Variants in ZNF429 observed in about 807,000 individuals in gnomAD.
ZNF429 encodes the protein zinc finger protein 429.
Under a neutral mutation model 56.8 loss-of-function variants are expected in ZNF429, and 53 were observed. The observed-to-expected ratio is 0.93, with a 90% CI of 0.75 to 1.17. ZNF429 has a LOEUF of 1.17. Among genes scored for constraint, ZNF429 ranks in the 50% most tolerant of loss-of-function variants. The probability of loss-of-function intolerance (pLI) is 0.00; values close to 1 mark genes in which losing one functional copy is unlikely to be tolerated. For missense variants in ZNF429, 849 were observed against 788.4 expected, an observed-to-expected ratio of 1.08 and a Z score of -0.92; for synonymous variants, 278 against 264.7, an observed-to-expected ratio of 1.05 and a Z score of -0.49.
Position 21,535,414 on chromosome 19 carries a change from TTCTTTCTTTCTTTCTTTC to T in ZNF429, c.227-864_227-847del. Among the ~76,000 whole-genome samples, 3 of 1,830 alleles carry T rather than the reference TTCTTTCTTTCTTTCTTTC, an allele frequency of 1.6e-3. 1 individual carries two copies. Among genetic ancestry groups the T allele is most frequent in the Admixed American group, 0.014 (3 of 220 alleles). 1.2% of individuals were successfully genotyped at this position (1,830 alleles called of 152,430 possible). A position where few individuals can be genotyped will look rare whatever the true frequency, so the allele number is the denominator to read the frequency against. Reference sequence around the variant, plus strand: ...CTTTCTTTCTTTCTTTCTTTTTCTTTTCTTTCTTTCTTTCTTTCTTTCTTTCTTTCTTTCTTTCTTTCT... The same window carrying T: ...CTTTCTTTCTTTCTTTCTTTTTCTTTTTTCTTTCTTTCTTTCTTTCTTTCT... On this transcript the variant is annotated intron_variant, in intron 3 of 3. Coordinates refer to ENST00000358491, the MANE Select transcript of ZNF429 (RefSeq NM_001001415.4).
intron 1 of ZNF429, among the ~76,000 whole-genome samples, chr19:21,525,334 AAAT>A (rs1277798328): frequency 6.6e-6 from 1 of 152,234 alleles, no homozygotes; most frequent in Non-Finnish European, 1.5e-5. Context: ...TAGCTAAAAA[AAAT>A]TAAAATTACA....
At position 21,505,627 on chromosome 19, in the gene ZNF429, T is replaced by G. The variant is rs2032095280; in HGVS notation, c.-145T>G. 1 of 738,280 alleles carries G rather than the reference T, an allele frequency of 1.4e-6. No individual in the cohort carries two copies. 45.7% of individuals were successfully genotyped at this position (738,280 alleles called of 1,614,324 possible). ...ACGGTTTCCGGAATATGGCGGGGCG[T>G]TTGGCTCTTGCTGCAGCCAGAGCTC... is the stretch of plus-strand genomic sequence containing the variant. On this transcript the variant is annotated 5_prime_UTR_variant, in exon 1 of 4. Coordinates refer to ENST00000358491, the MANE Select transcript of ZNF429 (RefSeq NM_001001415.4).
chr19:21,513,792 C>A (rs572152402), intron 1 of ZNF429, among the ~76,000 whole-genome samples: 1 of 152,014 alleles, frequency 6.6e-6, no homozygotes, highest in African/African-American at 2.4e-5. Flanking sequence ...TTAGAGGGAA[C>A]GATCTCTGAT....
intron 1 of ZNF429, among the ~76,000 whole-genome samples, chr19:21,525,520 G>T (rs1172079393): frequency 6.6e-6 from 1 of 152,088 alleles, no homozygotes; most frequent in Admixed American, 6.6e-5. Flanking sequence ...CTGGAGCCTT[G>T]CCTCACAGAA....
chr19:21,535,416 CTT>C, intron 3 of ZNF429, among the ~76,000 whole-genome samples: 2,190 of 7,814 alleles, frequency 0.28, 477 homozygotes, highest in African/African-American at 0.54. Context: ...TTTTTCTTTT[CTT>C]TCTTTCTTTC....
chr19:21,519,379 G>A (rs2032900668), intron 1 of ZNF429, among the ~76,000 whole-genome samples: 1 of 152,166 alleles, frequency 6.6e-6, no homozygotes, highest in African/African-American at 2.4e-5. Flanking sequence ...TGAGATGCCT[G>A]AGCAGGCCTG....
chr19:21,531,127 A>C, intron 3 of ZNF429, among the ~76,000 whole-genome samples: 2,211 of 104,686 alleles, frequency 0.021, 106 homozygotes, highest in African/African-American at 0.075. Flanking sequence ...AAAAAAAAAA[A>C]AACCAAAAAA....
chr19:21,531,397 G>C, intron 3 of ZNF429, among the ~76,000 whole-genome samples: 1 of 151,970 alleles, frequency 6.6e-6, no homozygotes, highest in Non-Finnish European at 1.5e-5. Context: ...AAATTGAAGA[G>C]GTGTCTGCTT....
At chr19:21,525,976 C>T (rs1485388125) in intron 1 of ZNF429, among the ~76,000 whole-genome samples, 2 of 152,300 alleles carry the variant, frequency 1.3e-5, no homozygotes, top group African/African-American at 4.8e-5. Context: ...TTATGCCCAG[C>T]ACAGTGCTCT....
Position 21,539,271 on chromosome 19 carries a change from CAG to C in ZNF429, c.*1195_*1196del, listed in dbSNP as rs2033837393. 6.6e-6 allele frequency among the ~76,000 whole-genome samples: 1 copy of C among 150,704 alleles called. No homozygotes were observed. The highest frequency in any genetic ancestry group is 2.5e-5 in the African/African-American group (1 of 40,290). On this transcript the variant is annotated 3_prime_UTR_variant, in exon 4 of 4. Transcript: ENST00000358491. ...TACATAGAAAAGTCTACATGAATAT[CAG>C]AATTTACAGTAGAAACAACTAAGAC...
rs1454811224 is a variant in ZNF429, at chr19:21,536,698, C to A, written c.645C>A (p.Ala215=). 2 of 1,613,842 alleles carry A rather than the reference C, an allele frequency of 1.2e-6. No homozygotes were observed. The highest frequency in any genetic ancestry group is 2.7e-5 in the African/African-American group (2 of 74,924). Residue 215 remains alanine, a synonymous_variant, in exon 4 of 4, where the codon GCC becomes GCA. Transcript: ENST00000358491. ...GCAATGCCTTTAATCAGTCCTCAGC[C>A]CTTACTAACCATAAGAGAATTTATG... is the stretch of plus-strand genomic sequence containing the variant. ...EFGNAFNQSS[A]LTNHKRIYVG...
intron 1 of ZNF429, among the ~76,000 whole-genome samples, chr19:21,525,415 G>A (rs2033127846): frequency 6.6e-6 from 1 of 151,992 alleles, no homozygotes; most frequent in South Asian, 2.1e-4. Context: ...ACCCCCACTG[G>A]CATAGAGAAC....
chr19:21,511,072 A>T (rs978480610), intron 1 of ZNF429, among the ~76,000 whole-genome samples: 8 of 152,192 alleles, frequency 5.3e-5, no homozygotes, highest in African/African-American at 1.9e-4. Context: ...TGTCATCATG[A>T]CCCGTTCTCA....
At chr19:21,517,615 A>G (rs2032808354) in intron 1 of ZNF429, among the ~76,000 whole-genome samples, 2 of 151,540 alleles carry the variant, frequency 1.3e-5, no homozygotes, top group African/African-American at 4.8e-5. Context: ...AGAGCTTGTT[A>G]TTGTTCTGTT....
At chr19:21,513,870 C>T (rs1296796248) in intron 1 of ZNF429, among the ~76,000 whole-genome samples, 3 of 152,202 alleles carry the variant, frequency 2.0e-5, no homozygotes, top group Non-Finnish European at 4.4e-5. Flanking sequence ...ACCCACTAGA[C>T]ATTGACATGT....
At chr19:21,522,911 T>C (rs1276977248) in intron 1 of ZNF429, among the ~76,000 whole-genome samples, 2 of 149,820 alleles carry the variant, frequency 1.3e-5, no homozygotes, top group South Asian at 2.1e-4. Flanking sequence ...AAAAAAAAAG[T>C]GTATACTGTC....
chr19:21,523,563 G>A (rs754523470), intron 1 of ZNF429, among the ~76,000 whole-genome samples: 25 of 152,262 alleles, frequency 1.6e-4, no homozygotes, highest in Middle Eastern at 6.8e-3. Context: ...AAACCCTAAC[G>A]ATGTACACTC....
chr19:21,535,421 T>TTTC, intron 3 of ZNF429, among the ~76,000 whole-genome samples: 1 of 3,612 alleles, frequency 2.8e-4, no homozygotes, highest in Admixed American at 3.0e-3. Context: ...CTTTTCTTTC[T>TTTC]TTCTTTCTTT....
Position 21,536,451 on chromosome 19 carries a change from T to C in ZNF429, c.398T>C (p.Leu133Pro). The C allele has an allele frequency of 6.2e-7, 1 of 1,613,696 alleles. No homozygotes were observed. Among genetic ancestry groups the C allele is most frequent in the South Asian group, 1.1e-5 (1 of 91,046 alleles). Residue 133 changes from leucine to proline, a missense_variant, in exon 4 of 4, where the codon CTT (leucine) becomes CCT (proline). Coordinates refer to ENST00000358491, the MANE Select transcript of ZNF429 (RefSeq NM_001001415.4). The part of the protein sequence containing the change: ...CKLYKGGYNG[L>P]NQCLTLTQSK... ...CTATACAAAGGAGGTTATAATGGAC[T>C]TAACCAATGTTTGACACTTACCCAG... is the stretch of plus-strand genomic sequence containing the variant.
Sources: gnomAD v4.1 joint callset for allele counts (sites outside exome capture counted in the v4.1 genomes callset) on GRCh38, gnomAD v4.1.1 for gene constraint, MANE v1.5 for transcripts, NCBI Gene and HGNC (gene_info 2026-07-23, HGNC 2026-07-21) for gene names.